Variants in UGT1A6 observed in about 807,000 individuals in gnomAD.
The protein encoded by UGT1A6 is UDP glucuronosyltransferase family 1 member A6.
Under a neutral mutation model 44.4 loss-of-function variants are expected in UGT1A6, and 32 were observed. The ratio of observed to expected loss-of-function variants is 0.72; its 90% CI spans 0.54 to 0.97. The LOEUF is 0.97. UGT1A6 is among the 50% of genes least tolerant of loss of function. UGT1A6 has a pLI of 0.00. For missense variants in UGT1A6, 685 were observed against 661.9 expected, an observed-to-expected ratio of 1.03 and a Z score of -0.38; for synonymous variants, 238 against 248.5, an observed-to-expected ratio of 0.96 and a Z score of 0.40.
intron 1 of UGT1A6, among the ~76,000 whole-genome samples, chr2:233,728,416 G>A (rs563525403): frequency 6.4e-4 from 98 of 152,296 alleles, no homozygotes; most frequent in African/African-American, 2.2e-3. Context: ...TTAGATAGCA[G>A]CACCTCTTCT....
chr2:233,733,997 C>T (rs1054859436), intron 1 of UGT1A6, among the ~76,000 whole-genome samples: 1 of 151,958 alleles, frequency 6.6e-6, no homozygotes, highest in African/African-American at 2.4e-5. Context: ...AGGAGATATA[C>T]CTAATGTTAA....
Position 233,769,666 on chromosome 2 carries a change from T to C in UGT1A6, c.1301+1227T>C. 1 of 1,592,264 alleles carries C rather than the reference T, an allele frequency of 6.3e-7. No individual in the cohort carries two copies. The highest frequency in any genetic ancestry group is 8.6e-7 in the Non-Finnish European group (1 of 1,169,428). On this transcript the variant is annotated intron_variant, in intron 4 of 4. Transcript: ENST00000305139. This position sits in a 1 kb window ranked among gnomAD's most constrained non-coding sequence, Gnocchi z 4.4. ...GATGACTGACTTCCCACCTTTGAGG[T>C]GCTAATGTGTGTGTGGTGGCACTGG...
chr2:233,718,955 G>C (rs1197227644), intron 1 of UGT1A6: 1 of 1,614,222 alleles, frequency 6.2e-7, no homozygotes, highest in Admixed American at 1.7e-5. Flanking sequence ...TCAGCATGCG[G>C]GAGGCCTTGC....
rs763953331 is a variant in UGT1A6, at chr2:233,743,717, C to T, written c.862-23317C>T. The T allele has an allele frequency of 8.8e-6, 12 of 1,367,234 alleles. No individual in the cohort carries two copies. In the East Asian group the frequency reaches 2.7e-4, roughly 31 times the overall value. 84.7% of individuals were successfully genotyped at this position (1,367,234 alleles called of 1,614,324 possible). On this transcript the variant is annotated intron_variant, in intron 1 of 4. Coordinates refer to ENST00000305139, the MANE Select transcript of UGT1A6 (RefSeq NM_001072.4). ...GCCCTCCGCCCCCGCCTCGCCATAG[C>T]GGTCATAGATATCGCGTTTCTTGGC... is the stretch of plus-strand genomic sequence containing the variant.
At chr2:233,764,755 C>T (rs1698636396) in intron 1 of UGT1A6, among the ~76,000 whole-genome samples, 1 of 152,062 alleles carries the variant, frequency 6.6e-6, no homozygotes, top group Non-Finnish European at 1.5e-5. Context: ...TGGTGCAGAC[C>T]CTAGGGAGGA....
Position 233,729,749 on chromosome 2 carries a change from T to C in UGT1A6, c.861+35884T>C, listed in dbSNP as rs747302247. On this transcript the variant is annotated intron_variant, in intron 1 of 4. Coordinates refer to ENST00000305139, the MANE Select transcript of UGT1A6 (RefSeq NM_001072.4). ...ACCAATTCAGACCACATGACATTCA[T>C]GCAAAGGGTCAAGAACATGCTCTAC... The C allele has an allele frequency of 6.2e-6, 10 of 1,613,882 alleles. No homozygotes were observed. In the Admixed American group the frequency reaches 8.3e-5, roughly 13 times the overall value.
At chr2:233,719,108 C>T (rs2076726952) in intron 1 of UGT1A6, 1 of 1,614,264 alleles carries the variant, frequency 6.2e-7, no homozygotes, top group Non-Finnish European at 8.5e-7. Flanking sequence ...CGCTGGGCTA[C>T]ACTCAAGGGT....
intron 1 of UGT1A6, chr2:233,721,743 A>G: frequency 2.3e-6 from 1 of 437,974 alleles, no homozygotes; most frequent in Non-Finnish European, 4.5e-6. Flanking sequence ...TAATGATGAG[A>G]GAATCTACAT....
intron 3 of UGT1A6, 63 bp downstream of exon 3, chr2:233,767,999 A>G: frequency 6.2e-7 from 1 of 1,614,190 alleles, no homozygotes; most frequent in Non-Finnish European, 8.5e-7. Context: ...TGGCTTAAGC[A>G]CAGCTATTCT....
At chr2:233,713,867 T>C (rs2076352815) in intron 1 of UGT1A6, 2 of 1,613,882 alleles carry the variant, frequency 1.2e-6, no homozygotes, top group Non-Finnish European at 1.7e-6. Flanking sequence ...AGGTCTGTAT[T>C]GGTGCCTTTA....
intron 1 of UGT1A6, among the ~76,000 whole-genome samples, chr2:233,765,679 C>T (rs750579921): frequency 2.7e-5 from 4 of 150,004 alleles, no homozygotes; most frequent in Non-Finnish European, 4.4e-5. Flanking sequence ...CATATGTATC[C>T]CAGAACTTCA....
In UGT1A6 at chr2:233,693,456, C is replaced by G; in HGVS notation, c.452C>G (p.Pro151Arg). Residue 151 changes from proline to arginine, a missense_variant, in exon 1 of 5, where the codon CCA becomes CGA. Pro to Arg is a moderately radical substitution (Grantham distance 103). Transcript: ENST00000305139. ...AAGTTTGATGCTCTTTTCACAGACCCAGCCTTACCCTGTGGGGTGATCCTG... is the reference window on the plus strand; with the variant it reads ...AAGTTTGATGCTCTTTTCACAGACCGAGCCTTACCCTGTGGGGTGATCCTG... ...ESKFDALFTDPALPCGVILAE... is the reference protein window; with the variant it reads ...ESKFDALFTDRALPCGVILAE... 6.2e-7 allele frequency: 1 copy of G among 1,614,120 alleles called. No homozygotes were observed. Among genetic ancestry groups the G allele is most frequent in the Non-Finnish European group, 8.5e-7 (1 of 1,180,030 alleles).
intron 1 of UGT1A6, among the ~76,000 whole-genome samples, chr2:233,759,217 A>T (rs1421776019): frequency 1.3e-5 from 2 of 152,292 alleles, no homozygotes; most frequent in East Asian, 3.9e-4. Flanking sequence ...AGGTCCATTT[A>T]TGCAAATGAA....
At chr2:233,743,598 G>C in intron 1 of UGT1A6, 1 of 1,367,308 alleles carries the variant, frequency 7.3e-7, no homozygotes, top group Non-Finnish European at 9.8e-7. Flanking sequence ...AATGGGTCCT[G>C]GCCGCCGAAG....
intron 1 of UGT1A6, among the ~76,000 whole-genome samples, chr2:233,711,009 T>C (rs2076157997): frequency 2.0e-5 from 3 of 152,234 alleles, no homozygotes; most frequent in African/African-American, 2.4e-5. Context: ...GATGCCTTTT[T>C]CTATCTCTGA....
In UGT1A6 at chr2:233,769,857, C is replaced by CAAA. The variant is rs879204025; in HGVS notation, c.1301+1433_1301+1435dup. 4.7e-4 allele frequency: 105 copies of CAAA among 224,472 alleles called. No individual in the cohort carries two copies. Among genetic ancestry groups the CAAA allele is most frequent in the South Asian group, 1.3e-3 (12 of 9,146 alleles). The allele number at this position is 224,472 out of a possible 1,614,324, so 13.9% of individuals were successfully genotyped here. ...TGGGCAACAGAGTGAGACCCTGTCT[C>CAAA]AAAAAAAAAAAAAAAAATGAAAAGT... On this transcript the variant is annotated intron_variant, in intron 4 of 4. Coordinates refer to ENST00000305139, the MANE Select transcript of UGT1A6 (RefSeq NM_001072.4). This position sits in a 1 kb window ranked among gnomAD's most constrained non-coding sequence, Gnocchi z 4.4.
At chr2:233,755,293 G>C in intron 1 of UGT1A6, 7 of 641,420 alleles carry the variant, frequency 1.1e-5, no homozygotes, top group Non-Finnish European at 1.7e-5. Context: ...AGAGCCTGCG[G>C]GGCACTGGCA....
In UGT1A6 at chr2:233,772,637, A is replaced by G; in HGVS notation, c.*78A>G. ...AACTTGAAAACAGAATCAGTGTTAA[A>G]TTCATTTTATTCTTATTAAGGAAAT... On this transcript the variant is annotated 3_prime_UTR_variant, in exon 5 of 5. Transcript: ENST00000305139. The G allele has an allele frequency of 1.5e-5, 23 of 1,552,946 alleles. No individual in the cohort carries two copies. Among genetic ancestry groups the G allele is most frequent in the Non-Finnish European group, 2.0e-5 (23 of 1,148,470 alleles).
rs537799034 is a variant in UGT1A6 at position 233,731,712 on chromosome 2, C to T, written c.862-35322C>T. Among the ~76,000 whole-genome samples, 65 of 152,262 alleles carry T rather than the reference C, an allele frequency of 4.3e-4. No individual in the cohort carries two copies. The South Asian group carries it at 0.013, about 30-fold the overall frequency. ...ATGGACATTTGGATTGGTTCCAGGT[C>T]TTTGCTATTGTGAATAGTGCCACAA... On this transcript the variant is annotated intron_variant, in intron 1 of 4. Coordinates refer to ENST00000305139, the MANE Select transcript of UGT1A6 (RefSeq NM_001072.4).
Sources: allele counts gnomAD v4.1 joint callset (sites outside exome capture counted in the v4.1 genomes callset), GRCh38; gene constraint gnomAD v4.1.1; non-coding constraint Gnocchi (gnomAD v3.1); transcripts MANE v1.5; gene names NCBI Gene and HGNC (gene_info 2026-07-23, HGNC 2026-07-21).